Variants in CHST11 observed in about 807,000 individuals in gnomAD.
The protein encoded by CHST11 is carbohydrate sulfotransferase 11.
In CHST11, 9 loss-of-function variants were observed where a neutral mutation model predicts 30.4. The ratio of observed to expected loss-of-function variants is 0.30; its 90% confidence interval spans 0.18 to 0.52. CHST11 has a LOEUF of 0.52. Among genes scored for constraint, CHST11 ranks in the 20% least tolerant of loss-of-function variants. The probability of loss-of-function intolerance (pLI) is 0.97; values close to 1 mark genes in which losing one functional copy is unlikely to be tolerated. For synonymous variants in CHST11, 152 were observed against 187.8 expected, an observed-to-expected ratio of 0.81 and a Z score of 1.56; for missense variants, 348 against 460.6, an observed-to-expected ratio of 0.76 and a Z score of 2.24.
chr12:104,578,540 G>A (rs978853891), intron 1 of CHST11, among the ~76,000 whole-genome samples: 4 of 152,124 alleles, frequency 2.6e-5, no homozygotes, highest in African/African-American at 9.7e-5. Flanking sequence ...CGCTGGGTCC[G>A]TTGGCTGTCT....
At chr12:104,482,538 G>GCCTT in intron 1 of CHST11, among the ~76,000 whole-genome samples, 1 of 152,272 alleles carries the variant, frequency 6.6e-6, no homozygotes, top group South Asian at 2.1e-4. Flanking sequence ...TTTTCCCACA[G>GCCTT]AGGAAAGGCT....
chr12:104,553,219 A>T (rs1318343541), intron 1 of CHST11: 1 of 152,340 alleles, frequency 6.6e-6, no homozygotes, highest in African/African-American at 2.4e-5. Flanking sequence ...GATGAAGAGG[A>T]TGATGAAGAT....
chr12:104,555,735 A>C (rs1253699743), intron 1 of CHST11, among the ~76,000 whole-genome samples: 2 of 152,232 alleles, frequency 1.3e-5, no homozygotes, highest in African/African-American at 4.8e-5. Flanking sequence ...GGAAGCATTA[A>C]AATTCATTGT....
intron 2 of CHST11, among the ~76,000 whole-genome samples, chr12:104,670,889 CACAT>C (rs1262259091): frequency 6.7e-6 from 1 of 149,448 alleles, no homozygotes; most frequent in Non-Finnish European, 1.5e-5. Context: ...CAGAAACACA[CACAT>C]ACATACATGC....
chr12:104,703,089 C>T (rs185075784), intron 2 of CHST11, among the ~76,000 whole-genome samples: 145 of 152,342 alleles, frequency 9.5e-4, no homozygotes, highest in African/African-American at 3.2e-3. Flanking sequence ...TTGCCTGCTG[C>T]GTGCCTGCTG....
intron 1 of CHST11, among the ~76,000 whole-genome samples, chr12:104,532,166 GTTGCC>G (rs1372979375): frequency 1.3e-5 from 2 of 152,124 alleles, no homozygotes; most frequent in Non-Finnish European, 2.9e-5. Flanking sequence ...TCCCTGTCTT[GTTGCC>G]ATCAACAGCA....
At chr12:104,461,980 A>G (rs2037411887) in intron 1 of CHST11, among the ~76,000 whole-genome samples, 1 of 152,012 alleles carries the variant, frequency 6.6e-6, no homozygotes, top group South Asian at 2.1e-4. Flanking sequence ...CCTGACCAAC[A>G]TGGTGAATCC....
chr12:104,670,120 C>G (rs1372231037), intron 2 of CHST11, among the ~76,000 whole-genome samples: 1 of 152,238 alleles, frequency 6.6e-6, no homozygotes, highest in Non-Finnish European at 1.5e-5. Flanking sequence ...GGACTCCACA[C>G]CGCCTGCTGC....
chr12:104,755,127 A>G (rs1407978464), intron 2 of CHST11, among the ~76,000 whole-genome samples: 5 of 152,108 alleles, frequency 3.3e-5, no homozygotes, highest in Non-Finnish European at 7.4e-5. Flanking sequence ...GCCCATCCCA[A>G]TGGCCCTGTG....
intron 2 of CHST11, among the ~76,000 whole-genome samples, chr12:104,689,106 G>A (rs1306064148): frequency 6.6e-6 from 1 of 152,128 alleles, no homozygotes; most frequent in Non-Finnish European, 1.5e-5. Context: ...ATTTCCTTTA[G>A]GTGTTATGGT....
At chr12:104,644,328 T>A (rs2039406389) in intron 2 of CHST11, among the ~76,000 whole-genome samples, 1 of 152,324 alleles carries the variant, frequency 6.6e-6, no homozygotes, top group Middle Eastern at 3.4e-3. Flanking sequence ...CGCTTATGAT[T>A]CCACTCGGTG....
At chr12:104,480,575 C>A in intron 1 of CHST11, among the ~76,000 whole-genome samples, 1 of 65,408 alleles carries the variant, frequency 1.5e-5, no homozygotes. Flanking sequence ...AAGATTCCAT[C>A]TCAAAAAAAA....
intron 1 of CHST11, among the ~76,000 whole-genome samples, chr12:104,499,326 C>T (rs111943717): frequency 3.3e-5 from 5 of 152,240 alleles, no homozygotes; most frequent in South Asian, 2.1e-4. Context: ...GCCAGTGGGG[C>T]CCCAGAAGCT....
intron 2 of CHST11, among the ~76,000 whole-genome samples, chr12:104,622,484 C>G (rs183626041): frequency 1.2e-4 from 18 of 152,282 alleles, no homozygotes; most frequent in Admixed American, 4.6e-4. Context: ...TCACAATTCT[C>G]TCAAGGTTGG....
chr12:104,616,358 G>C (rs2039107447), intron 2 of CHST11, among the ~76,000 whole-genome samples: 1 of 152,146 alleles, frequency 6.6e-6, no homozygotes. Flanking sequence ...CACCTCTCTA[G>C]GTTTTTCCTA....
At chr12:104,731,553 T>A (rs1276803334) in intron 2 of CHST11, among the ~76,000 whole-genome samples, 1 of 152,146 alleles carries the variant, frequency 6.6e-6, no homozygotes, top group South Asian at 2.1e-4. Context: ...GGGCTGTGGC[T>A]CTAAGGCCAC....
At chr12:104,464,572 C>T (rs985684936) in intron 1 of CHST11, among the ~76,000 whole-genome samples, 3 of 152,054 alleles carry the variant, frequency 2.0e-5, no homozygotes, top group African/African-American at 7.2e-5. Context: ...GGTGAGATCA[C>T]GGCTCACTGC....
At chr12:104,608,758 G>T (rs1454827565) in intron 2 of CHST11, among the ~76,000 whole-genome samples, 1 of 152,156 alleles carries the variant, frequency 6.6e-6, no homozygotes, top group Non-Finnish European at 1.5e-5. Flanking sequence ...CTATATGAAG[G>T]CTCTGTGTCT....
intron 1 of CHST11, among the ~76,000 whole-genome samples, chr12:104,462,478 A>G (rs1453120513): frequency 6.6e-6 from 1 of 152,176 alleles, no homozygotes; most frequent in Non-Finnish European, 1.5e-5. Context: ...ATAGACTTGC[A>G]TGTGTCTCCA....
Sources: gnomAD v4.1 joint callset for allele counts (sites outside exome capture counted in the v4.1 genomes callset) on GRCh38, gnomAD v4.1.1 for gene constraint, MANE v1.5 for transcripts, NCBI Gene and HGNC (gene_info 2026-07-23, HGNC 2026-07-21) for gene names.